LILRB4: variants seen among roughly 807,000 people sequenced by gnomAD.
The protein encoded by LILRB4 is leukocyte immunoglobulin-like receptor subfamily B member 4.
LILRB4 carries 49 observed loss-of-function variants against 55.2 expected under a neutral mutation model. That is an observed-to-expected ratio of 0.89 (90% CI 0.71 to 1.13). The LOEUF (loss-of-function observed/expected upper bound fraction) is 1.13, where lower values mean the gene tolerates loss of function less well. Among genes scored for constraint, LILRB4 ranks in the 50% most tolerant of loss-of-function variants. LILRB4 has a pLI of 0.00. For missense variants in LILRB4, 590 were observed against 555.2 expected (o/e 1.06, Z -0.63); for synonymous variants, 229 against 213.8 (o/e 1.07, Z -0.62).
chr19:54,663,370 C>A (rs959208246), intron 1 of LILRB4, among the ~76,000 whole-genome samples, 162 bp from the exon 2 acceptor site: 1 of 140,994 alleles, frequency 7.1e-6, no homozygotes, highest in East Asian at 2.1e-4. Context: ...GGCGTGAACC[C>A]GGGAGGCGGA....
At position 54,667,815 on chromosome 19, in the gene LILRB4, C is replaced by T. The variant is rs750252469; in HGVS notation, c.1197+22C>T. On this transcript the variant is annotated intron_variant, in intron 11 of 11. Coordinates refer to ENST00000430952, the Ensembl canonical transcript of LILRB4. ...TGAGGTGAGTCCTTTCCTCTCCAGG[C>T]CCCCAGGCCTCCCCCACCCCCACCA... 1.1e-5 allele frequency: 18 copies of T among 1,609,014 alleles called. No homozygotes were observed. The East Asian group carries it at 2.9e-4, about 26-fold the overall frequency.
chr19:54,668,424 C>A, downstream of LILRB4: 1 of 176,644 alleles, frequency 5.7e-6, no homozygotes, highest in Non-Finnish European at 1.2e-5. Flanking sequence ...ATCTTGGCCA[C>A]AATGAGAAAA....
At chr19:54,664,816 A>G (rs1338008132) in exon 5 of LILRB4, 1 of 1,605,512 alleles carries the variant, frequency 6.2e-7, no homozygotes, top group Admixed American at 1.7e-5. Flanking sequence ...GGAGGGTCCC[A>G]GGCCCTCACC....
intron 10 of LILRB4, chr19:54,667,404 G>T: frequency 2.4e-6 from 2 of 845,144 alleles, no homozygotes; most frequent in Non-Finnish European, 1.8e-6. Context: ...AGGCAGCAGC[G>T]AGCTCTTGCA....
At position 54,663,572 on chromosome 19, in the gene LILRB4, G is replaced by C; in HGVS notation, c.70+5G>C. 6.2e-7 allele frequency: 1 copy of C among 1,613,356 alleles called. No individual in the cohort carries two copies. Among genetic ancestry groups the C allele is most frequent in the African/African-American group, 1.3e-5 (1 of 74,972 alleles). ...CCAGGACCCACATGCAGGCAGGTGA[G>C]TCTGTCCCCAGCTGTCCCAGGTCCC... is the stretch of plus-strand genomic sequence containing the variant. On this transcript the variant is annotated splice_donor_5th_base_variant and intron_variant, in intron 2 of 11. Transcript: ENST00000430952.
chr19:54,666,601 T>C lies in LILRB4; in HGVS notation c.989-96T>C. On this transcript the variant is annotated intron_variant, in intron 9 of 11. Coordinates refer to ENST00000430952, the Ensembl canonical transcript of LILRB4. The surrounding 1 kb of genome is among the most constrained non-coding windows in gnomAD (Gnocchi z 4.8). The stretch of plus-strand genomic sequence containing the variant: ...GGGACATCACAGCCCCTCCCTGCGT[T>C]GCAGTGGCACTAATGGGAACAGGGC... 6.8e-7 allele frequency: 1 copy of C among 1,460,582 alleles called. No individual in the cohort carries two copies. The highest frequency in any genetic ancestry group is 9.5e-7 in the Non-Finnish European group (1 of 1,052,766). 90.5% of individuals were successfully genotyped at this position (1,460,582 alleles called of 1,614,324 possible).
intron 1 of LILRB4, among the ~76,000 whole-genome samples, 164 bp downstream of exon 1, chr19:54,663,231 G>T (rs2065085116): frequency 6.6e-6 from 1 of 151,974 alleles, no homozygotes; most frequent in African/African-American, 2.4e-5. Flanking sequence ...CGGATCACGA[G>T]GTCAGGAGAT....
chr19:54,666,161 T>G lies in LILRB4; in HGVS notation c.875-79T>G, dbSNP rs185929341. 7 of 1,404,572 alleles carry G rather than the reference T, an allele frequency of 5.0e-6. No homozygotes were observed. The East Asian group carries it at 6.9e-5, about 14-fold the overall frequency. 87.0% of individuals were successfully genotyped at this position (1,404,572 alleles called of 1,614,324 possible). Reference sequence around the variant, plus strand: ...ATCCTTGCAAGTGTATTTTCAGGTTTCCTTTCCTCTTGACTTGCATGTGCA... The same window carrying G: ...ATCCTTGCAAGTGTATTTTCAGGTTGCCTTTCCTCTTGACTTGCATGTGCA... On this transcript the variant is annotated intron_variant, in intron 7 of 11. Coordinates refer to ENST00000430952, the Ensembl canonical transcript of LILRB4. This position sits in a 1 kb window ranked among gnomAD's most constrained non-coding sequence, Gnocchi z 4.8.
chr19:54,668,599 C>T (rs1042459933), downstream of LILRB4: 1 of 152,268 alleles, frequency 6.6e-6, no homozygotes, highest in Non-Finnish European at 1.5e-5. Context: ...CGAAAAATTA[C>T]AGTTTACTTA....
rs2065243184 is a variant in LILRB4 at position 54,665,927 on chromosome 19, A to G, written c.870A>G (p.Thr290=). ...ACTGGCGTCAGGGAAAACACAGGAC[A>G]TTGGGTAAGTAGGAAATTGGGGGAC... The change falls in exon 7 of 12, where the codon ACA becomes ACG. Residue 290 remains threonine, a synonymous_variant. Coordinates refer to ENST00000430952, the Ensembl canonical transcript of LILRB4. This position sits in a 1 kb window ranked among gnomAD's most constrained non-coding sequence, Gnocchi z 5.5. 1.2e-6 allele frequency: 2 copies of G among 1,613,698 alleles called. No individual in the cohort carries two copies. The highest frequency in any genetic ancestry group is 2.2e-5 in the South Asian group (2 of 91,026).
Position 54,665,931 on chromosome 19 carries a change from G to C in LILRB4, c.874G>C (p.Ala292Pro), listed in dbSNP as rs1279945424. ...GCGTCAGGGAAAACACAGGACATTG[G>C]GTAAGTAGGAAATTGGGGGACCCGT... Residue 292 changes from alanine (A) to proline (P), a missense_variant and splice_region_variant, in exon 7 of 12, where the codon GCC becomes CCC. Coordinates refer to ENST00000430952, the Ensembl canonical transcript of LILRB4. This position sits in a 1 kb window ranked among gnomAD's most constrained non-coding sequence, Gnocchi z 5.5. 1.2e-6 allele frequency: 2 copies of C among 1,613,904 alleles called. No homozygotes were observed. Among genetic ancestry groups the C allele is most frequent in the Non-Finnish European group, 1.7e-6 (2 of 1,179,974 alleles).
rs1631746 is a variant in LILRB4 at position 54,665,251 on chromosome 19, A to C, written c.757+71A>C. ...CCAAGGGTGGGTTCTGTCCTAGGTTAAGGCTCCTCTGGAGGTGGTGATGTG... is the reference window on the plus strand; with the variant it reads ...CCAAGGGTGGGTTCTGTCCTAGGTTCAGGCTCCTCTGGAGGTGGTGATGTG... On this transcript the variant is annotated intron_variant, in intron 6 of 11. Coordinates refer to ENST00000430952, the Ensembl canonical transcript of LILRB4. The surrounding 1 kb of genome is among the most constrained non-coding windows in gnomAD (Gnocchi z 5.5). 0.3 allele frequency: 443,408 copies of C among 1,488,420 alleles called. 67,813 individuals are homozygous for C. The highest frequency in any genetic ancestry group is 0.37 in the Middle Eastern group (1,996 of 5,376). The allele number at this position is 1,488,420 out of a possible 1,614,324, so 92.2% of individuals were successfully genotyped here. A position where few individuals can be genotyped will look rare whatever the true frequency, so the allele number is the denominator to read the frequency against.
Position 54,666,537 on chromosome 19 carries a change from T to G in LILRB4, c.988+101T>G, listed in dbSNP as rs2065272819. 53 of 1,503,036 alleles carry G rather than the reference T, an allele frequency of 3.5e-5. No homozygotes were observed. The highest frequency in any genetic ancestry group is 4.9e-5 in the Non-Finnish European group (53 of 1,091,318). 93.1% of individuals were successfully genotyped at this position (1,503,036 alleles called of 1,614,324 possible). ...GCACAGGCTAGGATTGGTCAGGGAC[T>G]CAGGGAGAAGTGGTCTGAACCCACA... On this transcript the variant is annotated intron_variant, in intron 9 of 11. Coordinates refer to ENST00000430952, the Ensembl canonical transcript of LILRB4. This position sits in a 1 kb window ranked among gnomAD's most constrained non-coding sequence, Gnocchi z 4.8.
At chr19:54,664,952 T>G in intron 5 of LILRB4, 103 bp downstream of exon 5, 1 of 1,392,538 alleles carries the variant, frequency 7.2e-7, no homozygotes, top group Non-Finnish European at 1.0e-6. Flanking sequence ...CAGCTGGGCT[T>G]GCTTCCACGG....
At chr19:54,662,987 T>C, upstream of LILRB4, 1 of 1,614,036 alleles carries the variant, frequency 6.2e-7, no homozygotes. Context: ...CTGCCGGCAC[T>C]GAGGACTCAT....
chr19:54,666,280 C>G lies in LILRB4; in HGVS notation c.915C>G (p.Ala305=), dbSNP rs189220272. 37 of 1,609,330 alleles carry G rather than the reference C, an allele frequency of 2.3e-5. No individual in the cohort carries two copies. The highest frequency in any genetic ancestry group is 2.9e-5 in the Non-Finnish European group (34 of 1,177,586). Reference sequence around the variant, plus strand: ...ATTTCCAACGTCCTCCAGGGGCTGCCGAGCCAGAGCCCAAGGACGGGGGCC... The same window carrying G: ...ATTTCCAACGTCCTCCAGGGGCTGCGGAGCCAGAGCCCAAGGACGGGGGCC... The change falls in exon 8 of 12, where the codon GCC becomes GCG. Residue 305 remains alanine, a synonymous_variant. Transcript: ENST00000430952. The surrounding 1 kb of genome is among the most constrained non-coding windows in gnomAD (Gnocchi z 4.8).
At position 54,666,259 on chromosome 19, in the gene LILRB4, C is replaced by T. The variant is rs1170798666; in HGVS notation, c.894C>T (p.Phe298=). Residue 298 remains phenylalanine (F), a synonymous_variant, in exon 8 of 12, where the codon TTC becomes TTT. Transcript: ENST00000430952. The surrounding 1 kb of genome is among the most constrained non-coding windows in gnomAD (Gnocchi z 4.8). ...CCCCAGCCCAGAGACAGGCTGATTT[C>T]CAACGTCCTCCAGGGGCTGCCGAGC... 6.2e-7 allele frequency: 1 copy of T among 1,605,544 alleles called. No homozygotes were observed. The highest frequency in any genetic ancestry group is 8.5e-7 in the Non-Finnish European group (1 of 1,175,766).
chr19:54,668,203 A>C (rs967937149), exon 12 of LILRB4: 2 of 633,788 alleles, frequency 3.2e-6, no homozygotes, highest in African/African-American at 3.7e-5. Context: ...CTGCATTATC[A>C]AAATAAAGTA....
At chr19:54,663,471 G>A in intron 1 of LILRB4, 61 bp from the exon 2 acceptor site, 2 of 1,074,530 alleles carry the variant, frequency 1.9e-6, no homozygotes, top group Admixed American at 2.3e-5. Flanking sequence ...AAAATCTCAG[G>A]GTAAAGAGAG....
Sources: gnomAD v4.1 joint callset for allele counts (sites outside exome capture counted in the v4.1 genomes callset) on GRCh38, gnomAD v4.1.1 for gene constraint, Gnocchi (gnomAD v3.1) non-coding constraint, MANE v1.5 for transcripts, NCBI Gene and HGNC (gene_info 2026-07-23, HGNC 2026-07-21) for gene names.